Variants in DNAH12 observed in about 807,000 individuals in gnomAD.
DNAH12 encodes the protein dynein axonemal heavy chain 12, also known as axonemal beta dynein heavy chain 12.
A neutral mutation model predicts 371.5 loss-of-function variants in DNAH12; 285 were observed. The observed-to-expected ratio is 0.77, with a 90% CI of 0.70 to 0.85. The LOEUF (loss-of-function observed/expected upper bound fraction) is 0.85, where lower values mean the gene tolerates loss of function less well. DNAH12 is among the 40% of genes least tolerant of loss of function. DNAH12 has a pLI of 0.00. For missense variants in DNAH12, 3,611 were observed against 3,689.4 expected, an observed-to-expected ratio of 0.98 and a Z score of 0.55; for synonymous variants, 1,200 against 1,213.0, an observed-to-expected ratio of 0.99 and a Z score of 0.22.
rs900873848 is a variant in DNAH12 at position 57,419,649 on chromosome 3, A to C, written c.5563-131T>G. On this transcript the variant is annotated intron_variant, in intron 36 of 73. Coordinates refer to ENST00000495027, the MANE Select transcript of DNAH12 (RefSeq NM_001366028.2). The stretch of plus-strand genomic sequence containing the variant: ...CTTCCCCCTTTTAATGAAATATTAC[A>C]TTCACATAAAAGAACACATATAGCA... 3 of 561,548 alleles carry C rather than the reference A, an allele frequency of 5.3e-6. No individual in the cohort carries two copies. The Admixed American group carries it at 1.3e-4, about 25-fold the overall frequency. 34.8% of individuals were successfully genotyped at this position (561,548 alleles called of 1,614,324 possible). A position where few individuals can be genotyped will look rare whatever the true frequency, so the allele number is the denominator to read the frequency against.
At chr3:57,484,787 G>C (rs1297447967) in intron 12 of DNAH12, among the ~76,000 whole-genome samples, 1 of 152,058 alleles carries the variant, frequency 6.6e-6, no homozygotes, top group East Asian at 1.9e-4. Flanking sequence ...TGCAAACTCT[G>C]CCTCCAACAA....
At chr3:57,465,567 T>G (rs1003794233) in intron 17 of DNAH12, among the ~76,000 whole-genome samples, 2 of 152,010 alleles carry the variant, frequency 1.3e-5, no homozygotes, top group Non-Finnish European at 2.9e-5. Context: ...TATTTTGACA[T>G]GGGGAAGGCA....
chr3:57,395,955 C>T (rs902848579), intron 43 of DNAH12, among the ~76,000 whole-genome samples: 4 of 150,950 alleles, frequency 2.6e-5, no homozygotes, highest in African/African-American at 9.7e-5. Context: ...AGACATCTCA[C>T]TCTGTCTTAT....
At chr3:57,302,651 C>G (rs1383835020) in intron 69 of DNAH12, among the ~76,000 whole-genome samples, 1 of 135,134 alleles carries the variant, frequency 7.4e-6, no homozygotes, top group Non-Finnish European at 1.5e-5. Context: ...TCTCGGCTCA[C>G]TGCAACCTCC....
intron 62 of DNAH12, among the ~76,000 whole-genome samples, chr3:57,331,935 C>T (rs1318255327): frequency 1.3e-5 from 2 of 152,124 alleles, no homozygotes; most frequent in Admixed American, 1.3e-4. Flanking sequence ...TCACCCTGGC[C>T]TGCTTTCAGC....
At chr3:57,305,782 A>G (rs1357833767) in intron 69 of DNAH12, among the ~76,000 whole-genome samples, 1 of 152,150 alleles carries the variant, frequency 6.6e-6, no homozygotes, top group Non-Finnish European at 1.5e-5. Context: ...ACCCCACAAC[A>G]GGACTTAATT....
intron 60 of DNAH12, among the ~76,000 whole-genome samples, chr3:57,338,926 T>G (rs1553655063): frequency 6.6e-6 from 1 of 152,106 alleles, no homozygotes; most frequent in African/African-American, 2.4e-5. Context: ...GGCGGTTTTG[T>G]CGAAAAGAAA....
intron 32 of DNAH12, among the ~76,000 whole-genome samples, chr3:57,431,306 T>C (rs1166902771): frequency 2.6e-5 from 4 of 152,176 alleles, no homozygotes; most frequent in Admixed American, 1.3e-4. Flanking sequence ...CACTCTCTAC[T>C]ATAACTCTGG....
intron 5 of DNAH12, 130 bp downstream of exon 5, chr3:57,510,660 A>G: frequency 1.2e-6 from 1 of 825,930 alleles, no homozygotes; most frequent in Non-Finnish European, 1.9e-6. Flanking sequence ...AAAAGAAAAG[A>G]AGAAAAAAAC....
chr3:57,406,013 AC>A, intron 40 of DNAH12, 61 bp from the exon 41 acceptor site: 1 of 1,445,694 alleles, frequency 6.9e-7, no homozygotes, highest in Non-Finnish European at 9.3e-7. Flanking sequence ...AAGTCATGTA[AC>A]CAGTGGAATG....
chr3:57,553,121 G>A, the DNAH12 span, among the ~76,000 whole-genome samples: 2 of 152,114 alleles, frequency 1.3e-5, no homozygotes, highest in African/African-American at 2.4e-5. Context: ...GGTTTTCACT[G>A]AGCCAAGATC....
intron 22 of DNAH12, among the ~76,000 whole-genome samples, chr3:57,455,578 C>G (rs917866021): frequency 2.6e-5 from 4 of 151,470 alleles, no homozygotes; most frequent in South Asian, 2.1e-4. Context: ...TCAAAAACAA[C>G]AACAACAACA....
intron 60 of DNAH12, among the ~76,000 whole-genome samples, chr3:57,350,559 G>A (rs1161395663): frequency 6.6e-6 from 1 of 152,134 alleles, no homozygotes; most frequent in Non-Finnish European, 1.5e-5. Flanking sequence ...AATGTGAAAC[G>A]CATAATAAAG....
intron 59 of DNAH12, among the ~76,000 whole-genome samples, chr3:57,356,217 A>G (rs2062795105): frequency 6.6e-6 from 1 of 152,080 alleles, no homozygotes; most frequent in Non-Finnish European, 1.5e-5. Context: ...TGAGTCGGGC[A>G]GATTTCTTGA....
At chr3:57,427,137 A>AGTGTGT (rs1559646432) in intron 34 of DNAH12, among the ~76,000 whole-genome samples, 2 of 70,520 alleles carry the variant, frequency 2.8e-5, no homozygotes, top group African/African-American at 4.7e-5. Flanking sequence ...GTAAGAAGCG[A>AGTGTGT]ATGTGTGTGT....
At chr3:57,320,081 G>A (rs2061771460) in intron 65 of DNAH12, among the ~76,000 whole-genome samples, 1 of 152,052 alleles carries the variant, frequency 6.6e-6, no homozygotes, top group Non-Finnish European at 1.5e-5. Context: ...CTATATTTAT[G>A]CTTGTTCTTG....
intron 2 of DNAH12, among the ~76,000 whole-genome samples, chr3:57,531,984 A>C (rs2068866029): frequency 6.6e-6 from 1 of 151,912 alleles, no homozygotes; most frequent in African/African-American, 2.4e-5. Context: ...TGCCCTTTGG[A>C]GGCTATTTTC....
Position 57,323,211 on chromosome 3 carries a change from T to C in DNAH12, c.10179A>G (p.Gln3393=), listed in dbSNP as rs1198556534. The part of the protein sequence containing the change: ...NDKSMSGNKF[Q]AISLGQGQGP... The stretch of plus-strand genomic sequence containing the variant: ...CTTGTCCCTGTCCCAGTGAAATAGC[T>C]TGAAACTTATTTCCAGACATAGATT... Residue 3393 remains glutamine, a synonymous_variant, in exon 64 of 74, where the codon CAA becomes CAG. Coordinates refer to ENST00000495027, the MANE Select transcript of DNAH12 (RefSeq NM_001366028.2). 5 of 1,552,256 alleles carry C rather than the reference T, an allele frequency of 3.2e-6. No homozygotes were observed. The highest frequency in any genetic ancestry group is 2.7e-5 in the African/African-American group (2 of 73,186).
intron 53 of DNAH12, among the ~76,000 whole-genome samples, chr3:57,376,380 T>C (rs953658052): frequency 2.4e-4 from 36 of 152,268 alleles, no homozygotes; most frequent in Admixed American, 2.0e-3. Context: ...TTAAGCTGTA[T>C]AGAAGCTGAC....
Sources: allele counts gnomAD v4.1 joint callset (sites outside exome capture counted in the v4.1 genomes callset), GRCh38; gene constraint gnomAD v4.1.1; transcripts MANE v1.5; gene names NCBI Gene and HGNC (gene_info 2026-07-23, HGNC 2026-07-21).